The following FSIP2 variants were observed in gnomAD, a reference collection of about 807,000 sequenced individuals.
FSIP2 encodes the protein fibrous sheath-interacting protein 2.
FSIP2 carries 367 observed loss-of-function variants against 510.5 expected under a neutral mutation model. The observed-to-expected ratio is 0.72, with a 90% CI of 0.66 to 0.78. FSIP2 has a LOEUF of 0.78. FSIP2 is among the 30% of genes least tolerant of loss of function. The pLI, the probability that FSIP2 is intolerant of heterozygous loss-of-function variation, is 0.00. For missense variants in FSIP2, 7,594 were observed against 7,901.7 expected (o/e 0.96, Z 1.48); for synonymous variants, 2,601 against 2,732.2 (o/e 0.95, Z 1.50).
chr2:185,792,083 T>C lies in FSIP2; in HGVS notation c.4947T>C (p.Ala1649=). Residue 1649 remains alanine (A), a synonymous_variant, in exon 16 of 23, where the codon GCT becomes GCC. Coordinates refer to ENST00000424728, the MANE Select transcript of FSIP2 (RefSeq NM_173651.4). ...LYMHAKKVSS[A]ILKVIQTELN... ...TGCATGCAAAGAAGGTATCAAGTGC[T>C]ATTTTGAAGGTTATTCAAACAGAAT... is the stretch of plus-strand genomic sequence containing the variant. 4 of 1,533,780 alleles carry C rather than the reference T, an allele frequency of 2.6e-6. No individual in the cohort carries two copies. The highest frequency in any genetic ancestry group is 3.5e-6 in the Non-Finnish European group (4 of 1,145,182).
intron 18 of FSIP2, among the ~76,000 whole-genome samples, chr2:185,815,014 A>G (rs1479916753): frequency 6.6e-6 from 1 of 152,012 alleles, no homozygotes; most frequent in African/African-American, 2.4e-5. Context: ...CTGGCAAGGT[A>G]CCTAATTGAC....
rs58545522 is a variant in FSIP2 at position 185,816,855 on chromosome 2, CAGAGAG to C, written c.20426+1404_20426+1409del. Reference sequence around the variant, plus strand: ...TAGGTAACAGAGCGAAACTCTGAGACAGAGAGAGAGAGAGAGAGAGAGAGAAGACGA... The same window carrying C: ...TAGGTAACAGAGCGAAACTCTGAGACAGAGAGAGAGAGAGAGAGAAGACGA... On this transcript the variant is annotated intron_variant, in intron 19 of 22. Coordinates refer to ENST00000424728, the MANE Select transcript of FSIP2 (RefSeq NM_173651.4). Among the ~76,000 whole-genome samples the C allele has an allele frequency of 7.2e-3, 1,004 of 140,078 alleles. 11 individuals are homozygous for C. Among genetic ancestry groups the C allele is most frequent in the African/African-American group, 0.022 (809 of 37,152 alleles). 91.9% of individuals were successfully genotyped at this position (140,078 alleles called of 152,430 possible). A position where few individuals can be genotyped will look rare whatever the true frequency, so the allele number is the denominator to read the frequency against.
Position 185,807,305 on chromosome 2 carries a change from C to A in FSIP2, c.17999C>A (p.Thr6000Asn), listed in dbSNP as rs1170470477. 1 of 1,612,674 alleles carries A rather than the reference C, an allele frequency of 6.2e-7. No homozygotes were observed. The highest frequency in any genetic ancestry group is 2.2e-5 in the East Asian group (1 of 44,808). The stretch of plus-strand genomic sequence containing the variant: ...CAAACAGCCAGCAAAGAATGTCAAA[C>A]TTCATCACCATATACAATAATATTA... The part of the protein sequence containing the change: ...LAQTASKECQ[T>N]SSPYTIILPH... Residue 6000 changes from threonine (T) to asparagine (N), a missense_variant, in exon 17 of 23, where the codon ACT becomes AAT. By Grantham distance (65) the Thr-to-Asn change is moderately conservative. Transcript: ENST00000424728.
Position 185,806,346 on chromosome 2 carries a change from C to G in FSIP2, c.17040C>G (p.Val5680=), listed in dbSNP as rs1167208381. 6.2e-7 allele frequency: 1 copy of G among 1,609,704 alleles called. No homozygotes were observed. Among genetic ancestry groups the G allele is most frequent in the Admixed American group, 1.7e-5 (1 of 59,448 alleles). The part of the protein sequence containing the change: ...HHSDYEHVQN[V]IENIFEDVLE... ...CAGATTATGAACATGTTCAAAATGTCATTGAAAATATTTTTGAAGATGTTT... is the reference window on the plus strand; with the variant it reads ...CAGATTATGAACATGTTCAAAATGTGATTGAAAATATTTTTGAAGATGTTT... The change falls in exon 17 of 23, where the codon GTC becomes GTG. Residue 5680 remains valine (V), a synonymous_variant. Coordinates refer to ENST00000424728, the MANE Select transcript of FSIP2 (RefSeq NM_173651.4).
intron 5 of FSIP2, among the ~76,000 whole-genome samples, chr2:185,746,288 GTT>G (rs34161042): frequency 3.4e-5 from 5 of 149,200 alleles, no homozygotes; most frequent in East Asian, 4.0e-4. Flanking sequence ...CAAATGGACT[GTT>G]TTTTTTTTTC....
rs1346040065 is a variant in FSIP2, at chr2:185,790,269, T to C, written c.3133T>C (p.Cys1045Arg). Residue 1045 changes from cysteine (C) to arginine (R), a missense_variant, in exon 16 of 23, where the codon TGC becomes CGC. Physicochemically the swap from Cys to Arg is radical, Grantham distance 180. Coordinates refer to ENST00000424728, the MANE Select transcript of FSIP2 (RefSeq NM_173651.4). Reference sequence around the variant, plus strand: ...TACAAAGGGAAACACTTGTTTTGAATGCAAAAGAAATATCAAACCACCTAC... The same window carrying C: ...TACAAAGGGAAACACTTGTTTTGAACGCAAAAGAAATATCAAACCACCTAC... ...WFTKGNTCFE[C>R]KRNIKPPTKP... 8 of 1,533,270 alleles carry C rather than the reference T, an allele frequency of 5.2e-6. No homozygotes were observed. The South Asian group carries it at 7.2e-5, about 14-fold the overall frequency. 95.0% of individuals were successfully genotyped at this position (1,533,270 alleles called of 1,614,324 possible). A position where few individuals can be genotyped will look rare whatever the true frequency, so the allele number is the denominator to read the frequency against.
intron 4 of FSIP2, 126 bp downstream of exon 4, chr2:185,744,537 CCAAGTGAA>C (rs1213892817): frequency 3.9e-6 from 1 of 254,936 alleles, no homozygotes; most frequent in Non-Finnish European, 7.4e-6. Flanking sequence ...AATATTTTTT[CCAAGTGAA>C]AATTTACAGT....
Position 185,757,172 on chromosome 2 carries a change from C to A in FSIP2, c.1078+894C>A, listed in dbSNP as rs7573867. ...GACAATAAAACTAAGTTATCAATTT[C>A]TAAAGCAGTTATCTCAAGCAAACTG... is the stretch of plus-strand genomic sequence containing the variant. On this transcript the variant is annotated intron_variant, in intron 9 of 22. Coordinates refer to ENST00000424728, the MANE Select transcript of FSIP2 (RefSeq NM_173651.4). Among the ~76,000 whole-genome samples, 889 of 151,532 alleles carry A rather than the reference C, an allele frequency of 5.9e-3. 7 individuals are homozygous for A. Among genetic ancestry groups the A allele is most frequent in the African/African-American group, 0.02 (846 of 41,438 alleles).
In FSIP2 at chr2:185,773,726, T is replaced by C. The variant is rs532006291; in HGVS notation, c.1412-8979T>C. 5.9e-5 allele frequency among the ~76,000 whole-genome samples: 9 copies of C among 152,342 alleles called. No individual in the cohort carries two copies. In the South Asian group the frequency reaches 1.9e-3, roughly 32 times the overall value. ...TTAAATGTTTCCAAGGTCTTTCCTG[T>C]TAATTGTGTCATCTGTGCTATTTCT... On this transcript the variant is annotated intron_variant, in intron 13 of 22. Coordinates refer to ENST00000424728, the MANE Select transcript of FSIP2 (RefSeq NM_173651.4).
intron 18 of FSIP2, 151 bp downstream of exon 18, chr2:185,814,193 C>CTCAAT: frequency 2.6e-6 from 2 of 763,916 alleles, no homozygotes; most frequent in Non-Finnish European, 4.1e-6. Context: ...AAATTATTAC[C>CTCAAT]AGGTACAGCT....
chr2:185,809,213 T>G, intron 17 of FSIP2, 80 bp downstream of exon 17: 1 of 1,431,648 alleles, frequency 7.0e-7, no homozygotes, highest in Non-Finnish European at 9.3e-7. Context: ...CAAATAAGTA[T>G]ATGGAAATGC....
chr2:185,767,817 T>C (rs1291065424), intron 13 of FSIP2, among the ~76,000 whole-genome samples: 2 of 152,168 alleles, frequency 1.3e-5, no homozygotes, highest in Non-Finnish European at 2.9e-5. Context: ...GCAGTAAACA[T>C]GAGAGTGCAG....
In FSIP2 at chr2:185,745,468, A is replaced by T. The variant is rs1255414804; in HGVS notation, c.517A>T (p.Asn173Tyr). 1 of 1,535,022 alleles carries T rather than the reference A, an allele frequency of 6.5e-7. No homozygotes were observed. Among genetic ancestry groups the T allele is most frequent in the Admixed American group, 2.0e-5 (1 of 50,970 alleles). Residue 173 changes from asparagine to tyrosine, a missense_variant, in exon 5 of 23, where the codon AAT (asparagine) becomes TAT (tyrosine). Asn to Tyr is a moderately radical substitution (Grantham distance 143). Coordinates refer to ENST00000424728, the MANE Select transcript of FSIP2 (RefSeq NM_173651.4). ...ACAACTACATAACATACCGGAAAAC[A>T]ATCAAATCCCTCAACATTGTGATGT... ...AKQLHNIPEN[N>Y]QIPQHCDVAQ...
chr2:185,763,289 G>C lies in FSIP2; in HGVS notation c.1347G>C (p.Glu449Asp). Residue 449 changes from glutamate (E) to aspartate (D), a missense_variant and splice_region_variant, in exon 12 of 23, where the codon GAG (glutamate) becomes GAC (aspartate). By Grantham distance (45) the Glu-to-Asp change is conservative. Coordinates refer to ENST00000424728, the MANE Select transcript of FSIP2 (RefSeq NM_173651.4). ...CATTTTTGGATCCTTCAAAAGAAGA[G>C]GTATATAACAGTTCTTTTACCCCAA... ...SQAFLDPSKEEKETNADWDGR... is the reference protein window; with the variant it reads ...SQAFLDPSKEDKETNADWDGR... The C allele has an allele frequency of 7.7e-7, 1 of 1,306,180 alleles. No homozygotes were observed. Among genetic ancestry groups the C allele is most frequent in the South Asian group, 1.3e-5 (1 of 79,370 alleles). 80.9% of individuals were successfully genotyped at this position (1,306,180 alleles called of 1,614,324 possible). A position where few individuals can be genotyped will look rare whatever the true frequency, so the allele number is the denominator to read the frequency against.
Position 185,800,686 on chromosome 2 carries a change from C to T in FSIP2, c.11380C>T (p.Leu3794Phe). The change falls in exon 17 of 23, where the codon CTT becomes TTT. Residue 3794 changes from leucine (L) to phenylalanine (F), a missense_variant. Transcript: ENST00000424728. ...SAEECQLLKM[L>F]QSVEDGKSDY... The stretch of plus-strand genomic sequence containing the variant: ...AGAAGAATGTCAACTTTTAAAAATG[C>T]TTCAAAGTGTAGAAGATGGAAAATC... 1 of 1,533,964 alleles carries T rather than the reference C, an allele frequency of 6.5e-7. No homozygotes were observed.
rs369199782 is a variant in FSIP2, at chr2:185,813,701, G to A, written c.19984G>A (p.Asp6662Asn). Residue 6662 changes from aspartate (D) to asparagine (N), a missense_variant, in exon 18 of 23, where the codon GAT (aspartate) becomes AAT (asparagine). Coordinates refer to ENST00000424728, the MANE Select transcript of FSIP2 (RefSeq NM_173651.4). ...GGAAAATTACATAAAAGAGGAACGAGATTCTGATGAAGATGAAGTTGTTTT... is the reference window on the plus strand; with the variant it reads ...GGAAAATTACATAAAAGAGGAACGAAATTCTGATGAAGATGAAGTTGTTTT... ...YLENYIKEER[D>N]SDEDEVVLTQ... 2 of 1,610,156 alleles carry A rather than the reference G, an allele frequency of 1.2e-6. No homozygotes were observed. Among genetic ancestry groups the A allele is most frequent in the Non-Finnish European group, 1.7e-6 (2 of 1,177,898 alleles).
chr2:185,758,344 A>G (rs1039809784), intron 9 of FSIP2, among the ~76,000 whole-genome samples: 10 of 150,218 alleles, frequency 6.7e-5, no homozygotes, highest in Non-Finnish European at 1.3e-4. Context: ...CTTGCACAGT[A>G]AAAAAAAACT....
In FSIP2 at chr2:185,738,906, C is replaced by T. The variant is rs528682284; in HGVS notation, c.12C>T (p.Tyr4=). ...GGGCTGTGCCGGCCATGGAGCTGTA[C>T]CTCGGCGCCTGCTCCAAGCCTGCCA... The part of the protein sequence containing the change: MEL[Y]LGACSKPAKV... The change falls in exon 1 of 23, where the codon TAC becomes TAT. Residue 4 remains tyrosine (Y), a synonymous_variant. Transcript: ENST00000424728. 617 of 1,535,002 alleles carry T rather than the reference C, an allele frequency of 4.0e-4. No homozygotes were observed. The highest frequency in any genetic ancestry group is 5.0e-4 in the Non-Finnish European group (571 of 1,146,706).
chr2:185,753,900 A>C (rs2105545217), intron 8 of FSIP2, 58 bp downstream of exon 8: 1 of 1,222,902 alleles, frequency 8.2e-7, no homozygotes, highest in South Asian at 1.9e-5. Context: ...TATCTATGTA[A>C]AAATCCTTGT....
Sources: allele counts gnomAD v4.1 joint callset (sites outside exome capture counted in the v4.1 genomes callset), GRCh38; gene constraint gnomAD v4.1.1; transcripts MANE v1.5; gene names NCBI Gene and HGNC (gene_info 2026-07-23, HGNC 2026-07-21).